Variants in YAF2 observed in about 807,000 individuals in gnomAD.
YAF2 encodes YY1 associated factor 2.
A neutral mutation model predicts 20.1 loss-of-function variants in YAF2; 7 were observed. That is an observed-to-expected ratio of 0.35 (90% confidence interval 0.20 to 0.65). The LOEUF is 0.65. Ranked by LOEUF, YAF2 falls within the 30% of genes least tolerant of loss-of-function variation. The pLI, the probability that YAF2 is intolerant of heterozygous loss-of-function variation, is 0.69. For missense variants in YAF2, 151 were observed against 219.2 expected (o/e 0.69, Z 1.96); for synonymous variants, 74 against 76.0 (o/e 0.97, Z 0.14).
chr12:42,228,112 T>C (rs1490771952), intron 2 of YAF2, among the ~76,000 whole-genome samples: 5 of 61,992 alleles, frequency 8.1e-5, no homozygotes, highest in South Asian at 8.9e-4. Flanking sequence ...GAGGAGCCCC[T>C]CTGCCCGGCC....
chr12:42,191,060 T>G (rs1460617967), intron 2 of YAF2, among the ~76,000 whole-genome samples: 2 of 152,208 alleles, frequency 1.3e-5, no homozygotes, highest in East Asian at 1.9e-4. Flanking sequence ...GCCTTATATA[T>G]CAGACAGGCA....
intron 2 of YAF2, among the ~76,000 whole-genome samples, chr12:42,181,800 G>GTATAACAGTATA (rs2066348281): frequency 6.6e-6 from 1 of 152,172 alleles, no homozygotes; most frequent in Non-Finnish European, 1.5e-5. Context: ...CTGGGTAAAT[G>GTATAACAGTATA]AATTTATAAC....
chr12:42,228,596 A>C (rs71453341), intron 2 of YAF2, among the ~76,000 whole-genome samples: 52 of 53,510 alleles, frequency 9.7e-4, no homozygotes, highest in African/African-American at 2.6e-3. Context: ...CCGCCCCGTC[A>C]GGGAGGGAGG....
At chr12:42,194,341 G>C (rs1346052679) in intron 2 of YAF2, among the ~76,000 whole-genome samples, 1 of 152,102 alleles carries the variant, frequency 6.6e-6, no homozygotes, top group East Asian at 1.9e-4. Flanking sequence ...TACAAGTTGT[G>C]AAGTAAAATA....
chr12:42,234,282 G>A (rs981236487), intron 2 of YAF2: 3 of 985,334 alleles, frequency 3.0e-6, no homozygotes, highest in Non-Finnish European at 3.6e-6. Flanking sequence ...AAAATAATGT[G>A]TCACCGTGGC....
intron 2 of YAF2, among the ~76,000 whole-genome samples, chr12:42,220,458 A>G (rs193191501): frequency 1.3e-5 from 2 of 152,242 alleles, no homozygotes; most frequent in African/African-American, 2.4e-5. Context: ...TTGGTGAAGT[A>G]AAGAATGAAG....
intron 2 of YAF2, among the ~76,000 whole-genome samples, chr12:42,230,189 G>C (rs937933981): frequency 6.6e-6 from 1 of 152,066 alleles, no homozygotes; most frequent in African/African-American, 2.4e-5. Flanking sequence ...TCTGGGAGGC[G>C]GAGATTGCAG....
rs534839211 is a variant in YAF2 at position 42,176,840 on chromosome 12, G to A, written c.153-15075C>T. Among the ~76,000 whole-genome samples the A allele has an allele frequency of 1.8e-4, 28 of 152,164 alleles. 1 individual carries two copies. In the South Asian group the frequency reaches 3.5e-3, roughly 19 times the overall value. ...AATGTAGCTAGGCGTGGTGCTGGGCGTCTGTAATCCCAGCTACTCGGGAGG... is the reference window on the plus strand; with the variant it reads ...AATGTAGCTAGGCGTGGTGCTGGGCATCTGTAATCCCAGCTACTCGGGAGG... On this transcript the variant is annotated intron_variant, in intron 2 of 3. Transcript: ENST00000534854.
chr12:42,222,972 G>A (rs563638000), intron 2 of YAF2, among the ~76,000 whole-genome samples: 5 of 151,060 alleles, frequency 3.3e-5, no homozygotes, highest in Admixed American at 6.6e-5. Context: ...GTAGTTTCTG[G>A]TGTTGGAAAC....
At chr12:42,191,214 T>A (rs1411874699) in intron 2 of YAF2, among the ~76,000 whole-genome samples, 1 of 152,212 alleles carries the variant, frequency 6.6e-6, no homozygotes, top group Non-Finnish European at 1.5e-5. Context: ...TGAATTTATA[T>A]CGTTTTCACT....
chr12:42,203,699 A>G (rs899404271), intron 2 of YAF2, among the ~76,000 whole-genome samples: 10 of 152,176 alleles, frequency 6.6e-5, no homozygotes, highest in Non-Finnish European at 1.3e-4. Flanking sequence ...GAACTGTCCT[A>G]AACTCCTATC....
In YAF2 at chr12:42,161,765, C is replaced by T. The variant is rs1218660859; in HGVS notation, c.153G>A (p.Arg51=). ...MCDVRKGTST[R]KPRPVSQLVA... is the part of the protein sequence containing the mutation. ...CCAACTGGGAGACAGGTCGAGGTTT[C>T]CTGTGTGCATGTTAAAAAGAAAGGT... The change falls in exon 3 of 4, where the codon CGG becomes CGA. Residue 51 remains arginine (R), a splice_region_variant and synonymous_variant. Coordinates refer to ENST00000534854, the MANE Select transcript of YAF2 (RefSeq NM_005748.6). 5 of 1,598,214 alleles carry T rather than the reference C, an allele frequency of 3.1e-6. No individual in the cohort carries two copies. Among genetic ancestry groups the T allele is most frequent in the East Asian group, 2.3e-5 (1 of 44,376 alleles).
chr12:42,179,369 C>G (rs1268393317), intron 2 of YAF2, among the ~76,000 whole-genome samples: 2 of 152,208 alleles, frequency 1.3e-5, no homozygotes, highest in Non-Finnish European at 2.9e-5. Context: ...ACTCAGGAGG[C>G]TGAGGCAGGA....
At chr12:42,217,257 A>AT (rs3834715) in intron 2 of YAF2, among the ~76,000 whole-genome samples, 2 of 152,000 alleles carry the variant, frequency 1.3e-5, no homozygotes, top group African/African-American at 4.8e-5. Flanking sequence ...AATGGGTATA[A>AT]TTTTTTTTAT....
rs1394295483 is a variant in YAF2, at chr12:42,158,048, A to G, written c.*2541T>C. 6.6e-6 allele frequency: 1 copy of G among 152,166 alleles called. No homozygotes were observed. Among genetic ancestry groups the G allele is most frequent in the Non-Finnish European group, 1.5e-5 (1 of 68,022 alleles). The allele number at this position is 152,166 out of a possible 1,614,324, so 9.4% of individuals were successfully genotyped here. On this transcript the variant is annotated 3_prime_UTR_variant, in exon 4 of 4. Coordinates refer to ENST00000534854, the MANE Select transcript of YAF2 (RefSeq NM_005748.6). ...ACTGTAAGTTCATGAAACAGAGAAA[A>G]ACATGTACCCTAAACCTAGGTTCTG...
chr12:42,177,388 G>A (rs1435847754), intron 2 of YAF2, among the ~76,000 whole-genome samples: 1 of 152,152 alleles, frequency 6.6e-6, no homozygotes, highest in African/African-American at 2.4e-5. Flanking sequence ...TCTACTCAGG[G>A]CTCTCTTCTA....
At position 42,162,254 on chromosome 12, in the gene YAF2, T is replaced by C. The variant is rs191241364; in HGVS notation, c.153-489A>G. Among the ~76,000 whole-genome samples the C allele has an allele frequency of 9.5e-3, 1,448 of 152,316 alleles. 13 individuals carry two copies. The highest frequency in any genetic ancestry group is 0.013 in the Non-Finnish European group (854 of 68,022). On this transcript the variant is annotated intron_variant, in intron 2 of 3. Coordinates refer to ENST00000534854, the MANE Select transcript of YAF2 (RefSeq NM_005748.6). ...TCAAAATTTCTCACTCCTTATTGCTTAAATCCTTTAAGTTTCTTACATCTC... is the reference window on the plus strand; with the variant it reads ...TCAAAATTTCTCACTCCTTATTGCTCAAATCCTTTAAGTTTCTTACATCTC...
intron 2 of YAF2, among the ~76,000 whole-genome samples, chr12:42,168,452 G>C (rs976252031): frequency 6.6e-6 from 1 of 152,020 alleles, no homozygotes; most frequent in Non-Finnish European, 1.5e-5. Context: ...AAAGTGCTGG[G>C]ATTATAGATG....
intron 2 of YAF2, among the ~76,000 whole-genome samples, chr12:42,177,411 T>C (rs2066223924): frequency 6.6e-6 from 1 of 152,134 alleles, no homozygotes; most frequent in Non-Finnish European, 1.5e-5. Flanking sequence ...TACATTTCCT[T>C]CTGGCTTACA....
Sources: allele counts gnomAD v4.1 joint callset (sites outside exome capture counted in the v4.1 genomes callset), GRCh38; gene constraint gnomAD v4.1.1; transcripts MANE v1.5; gene names NCBI Gene and HGNC (gene_info 2026-07-23, HGNC 2026-07-21).